The following SYTL2 variants were observed in gnomAD, a reference collection of about 807,000 sequenced individuals.
SYTL2 encodes the protein synaptotagmin like 2, also known as synaptotagmin-like protein 2.
In SYTL2, 165 loss-of-function variants were observed where a neutral mutation model predicts 198.7. The ratio of observed to expected loss-of-function variants is 0.83; its 90% CI spans 0.73 to 0.94. SYTL2 has a LOEUF of 0.94. Ranked by LOEUF, SYTL2 falls within the 40% of genes least tolerant of loss-of-function variation. SYTL2 has a pLI of 0.00. For missense variants in SYTL2, 2,835 were observed against 2,582.8 expected (o/e 1.10, Z -2.12); for synonymous variants, 966 against 917.7 (o/e 1.05, Z -0.95).
the SYTL2 span, among the ~76,000 whole-genome samples, chr11:85,836,915 G>T: frequency 2.0e-5 from 3 of 152,040 alleles, no homozygotes; most frequent in Admixed American, 6.6e-5. Flanking sequence ...TATTCCTTCT[G>T]GCATTTTTAA....
intron 1 of SYTL2, among the ~76,000 whole-genome samples, chr11:85,795,637 A>C (rs1309805447): frequency 6.6e-6 from 1 of 152,216 alleles, no homozygotes; most frequent in East Asian, 1.9e-4. Flanking sequence ...ACTAACAAGA[A>C]TAGTAAAAGC....
chr11:85,737,532 T>C (rs1210650891), intron 5 of SYTL2, 43 bp downstream of exon 5: 5 of 1,500,960 alleles, frequency 3.3e-6, no homozygotes, highest in East Asian at 2.3e-5. Context: ...AAAAATGGCA[T>C]TCCTAACAAA....
At chr11:85,764,460 A>C (rs952455339) in intron 1 of SYTL2, among the ~76,000 whole-genome samples, 1 of 152,198 alleles carries the variant, frequency 6.6e-6, no homozygotes, top group Non-Finnish European at 1.5e-5. Flanking sequence ...ATTTGAACCC[A>C]AGTCTTCAGA....
At chr11:85,790,902 G>A (rs1240542967) in intron 1 of SYTL2, among the ~76,000 whole-genome samples, 1 of 152,094 alleles carries the variant, frequency 6.6e-6, no homozygotes, top group Non-Finnish European at 1.5e-5. Context: ...GGTGGCTCAT[G>A]TCTGTAATCC....
intron 1 of SYTL2, among the ~76,000 whole-genome samples, chr11:85,779,688 T>C (rs926562502): frequency 2.0e-5 from 3 of 151,894 alleles, no homozygotes; most frequent in African/African-American, 7.3e-5. Flanking sequence ...CACACTATCA[T>C]GGAAAACTGA....
the SYTL2 span, chr11:85,852,773 T>G: frequency 1.7e-5 from 4 of 240,666 alleles, no homozygotes; most frequent in South Asian, 1.7e-4. Context: ...GTGCCAAGAT[T>G]GCAGCCTCTG....
chr11:85,709,524 T>C (rs769837864), intron 13 of SYTL2, 24 bp from the exon 14 acceptor site: 2 of 1,608,226 alleles, frequency 1.2e-6, no homozygotes, highest in Admixed American at 1.7e-5. Context: ...AAATACATAG[T>C]GTTTGTCTCT....
intron 2 of SYTL2, among the ~76,000 whole-genome samples, chr11:85,751,836 C>T (rs2091530809): frequency 6.6e-6 from 1 of 152,222 alleles, no homozygotes; most frequent in Admixed American, 6.5e-5. Flanking sequence ...CTTCTGTATG[C>T]TAAAAGCCAT....
intron 1 of SYTL2, among the ~76,000 whole-genome samples, chr11:85,803,489 G>C (rs1048020879): frequency 1.3e-5 from 2 of 152,230 alleles, no homozygotes; most frequent in African/African-American, 2.4e-5. Flanking sequence ...TGGAGCGCTG[G>C]GAGAACCCAG....
At chr11:85,789,312 ATGTGTGTGTGTATG>A (rs2092685592) in intron 1 of SYTL2, among the ~76,000 whole-genome samples, 1 of 92,886 alleles carries the variant, frequency 1.1e-5, no homozygotes, top group Non-Finnish European at 2.1e-5. Flanking sequence ...TATTTATATG[ATGTGTGTGTGTATG>A]TGTGTGTGTG....
intron 4 of SYTL2, among the ~76,000 whole-genome samples, chr11:85,739,911 T>C (rs542373854): frequency 1.3e-5 from 2 of 152,246 alleles, no homozygotes; most frequent in East Asian, 1.9e-4. Context: ...GTCTGGGTGA[T>C]TCTTCCCTCC....
chr11:85,717,748 A>T (rs1467439089), intron 10 of SYTL2: 1 of 584,724 alleles, frequency 1.7e-6, no homozygotes, highest in Non-Finnish European at 3.2e-6. Context: ...CAAAAGAGAT[A>T]CGGAGCATCC....
chr11:85,812,116 A>G (rs2093042475), upstream of SYTL2, among the ~76,000 whole-genome samples: 1 of 152,200 alleles, frequency 6.6e-6, no homozygotes, highest in South Asian at 2.1e-4. Flanking sequence ...CAAAAAAATA[A>G]ATAAAATAAT....
At chr11:85,816,320 G>C in the SYTL2 span, among the ~76,000 whole-genome samples, 1 of 151,990 alleles carries the variant, frequency 6.6e-6, no homozygotes, top group Non-Finnish European at 1.5e-5. Flanking sequence ...AAACCTCTAG[G>C]TTTCCTCTAT....
At chr11:85,741,505 T>C (rs1443652261) in intron 4 of SYTL2, among the ~76,000 whole-genome samples, 2 of 152,196 alleles carry the variant, frequency 1.3e-5, no homozygotes, top group Admixed American at 6.6e-5. Context: ...TGAGCTCTTA[T>C]AGAATTAAGA....
upstream of SYTL2, among the ~76,000 whole-genome samples, chr11:85,814,271 C>T (rs2093059039): frequency 6.6e-6 from 1 of 152,204 alleles, no homozygotes; most frequent in East Asian, 1.9e-4. Context: ...ACTTGTAGCC[C>T]TCCTTCAACA....
rs1184667828 is a variant in SYTL2 at position 85,734,493 on chromosome 11, C to A, written c.836G>T (p.Ser279Ile). The A allele has an allele frequency of 1.2e-6, 2 of 1,614,214 alleles. No homozygotes were observed. The highest frequency in any genetic ancestry group is 1.1e-5 in the South Asian group (1 of 91,082). The change falls in exon 7 of 20, where the codon AGT becomes ATT. Residue 279 changes from serine (S) to isoleucine (I), a missense_variant. Physicochemically the swap from Ser to Ile is moderately radical, Grantham distance 142. Around this residue, in one of 3 missense-constraint regions of SYTL2, gnomAD observed 2,645 missense variants for 2,381.7 expected, o/e 1.11. Transcript: ENST00000359152. ...APRGILKRNS[S>I]SSSTDSETLR... ...GGTTTCTGAGTCTGTGCTACTGGAA[C>A]TGGAGTTGCGCTTGAGGATCCCTCT...
chr11:85,849,672 C>A, the SYTL2 span, among the ~76,000 whole-genome samples: 1 of 149,792 alleles, frequency 6.7e-6, no homozygotes, highest in East Asian at 1.9e-4. Flanking sequence ...CAGTACCATG[C>A]TGTTTTGGTT....
intron 2 of SYTL2, among the ~76,000 whole-genome samples, chr11:85,757,072 C>T (rs1021926900): frequency 2.0e-5 from 3 of 152,134 alleles, no homozygotes; most frequent in African/African-American, 7.2e-5. Context: ...TGGGTTCCAC[C>T]CAACAAGAAT....
Sources: gnomAD v4.1 joint callset for allele counts (sites outside exome capture counted in the v4.1 genomes callset) on GRCh38, gnomAD v4.1.1 for gene constraint, gnomAD v4.1.1 regional missense constraint, MANE v1.5 for transcripts, NCBI Gene and HGNC (gene_info 2026-07-23, HGNC 2026-07-21) for gene names.